The following EIF4E3 variants were observed in gnomAD, a reference collection of about 807,000 sequenced individuals.
EIF4E3 encodes the protein eukaryotic translation initiation factor 4E family member 3, also known as eukaryotic translation initiation factor 4E type 3.
EIF4E3 carries 26 observed loss-of-function variants against 31.7 expected under a neutral mutation model. The observed-to-expected ratio is 0.82, with a 90% confidence interval of 0.60 to 1.14. EIF4E3 has a LOEUF of 1.14. Among genes scored for constraint, EIF4E3 ranks in the 50% most tolerant of loss-of-function variants. The probability of loss-of-function intolerance (pLI) is 0.00; values close to 1 mark genes in which losing one functional copy is unlikely to be tolerated. For synonymous variants in EIF4E3, 128 were observed against 107.7 expected, an observed-to-expected ratio of 1.19 and a Z score of -1.17; for missense variants, 304 against 270.9, an observed-to-expected ratio of 1.12 and a Z score of -0.86.
chr3:71,731,658 G>T (rs1432865174), intron 1 of EIF4E3, among the ~76,000 whole-genome samples: 1 of 152,222 alleles, frequency 6.6e-6, no homozygotes, highest in Non-Finnish European at 1.5e-5. Flanking sequence ...GAAAGGAAGA[G>T]TCTGTGACTT....
chr3:71,754,025 G>A (rs555040525), upstream of EIF4E3: 63 of 1,147,708 alleles, frequency 5.5e-5, no homozygotes, highest in African/African-American at 8.3e-4. The surrounding 1 kb of genome is among the most constrained non-coding windows in gnomAD (Gnocchi z 5.8). Context: ...CCCCGGGGCG[G>A]AGCGCACGGC....
At chr3:71,664,690 A>G in the EIF4E3 span, among the ~76,000 whole-genome samples, 2 of 152,160 alleles carry the variant, frequency 1.3e-5, no homozygotes, top group African/African-American at 4.8e-5. Flanking sequence ...TCTGGCCAAC[A>G]TGATGAAATC....
chr3:71,715,027 C>A (rs1440019290), intron 1 of EIF4E3, among the ~76,000 whole-genome samples: 2 of 152,218 alleles, frequency 1.3e-5, no homozygotes, highest in African/African-American at 4.8e-5. Flanking sequence ...AACCCTAGTC[C>A]AAACCCTGTC....
intron 5 of EIF4E3, among the ~76,000 whole-genome samples, chr3:71,692,752 C>T (rs560622723): frequency 1.3e-5 from 2 of 152,078 alleles, no homozygotes; most frequent in South Asian, 2.1e-4. Flanking sequence ...TGTCACTATG[C>T]CCAGCTAATT....
the EIF4E3 span, among the ~76,000 whole-genome samples, chr3:71,660,482 A>G: frequency 1.3e-5 from 2 of 152,232 alleles, no homozygotes; most frequent in African/African-American, 2.4e-5. Context: ...CATCTTGCCC[A>G]CCAAACCCGG....
At chr3:71,695,669 T>C (rs1037657825) in intron 4 of EIF4E3, among the ~76,000 whole-genome samples, 2 of 152,180 alleles carry the variant, frequency 1.3e-5, no homozygotes, top group African/African-American at 4.8e-5. Context: ...GGTATGTTCT[T>C]ATAGTAAAAT....
chr3:71,725,521 G>C (rs1179849668), upstream of EIF4E3: 1 of 319,388 alleles, frequency 3.1e-6, no homozygotes, highest in African/African-American at 2.3e-5. The surrounding 1 kb of genome is among the most constrained non-coding windows in gnomAD (Gnocchi z 6.1). Context: ...GCCGCCTTCA[G>C]GGCCTGGGAG....
At chr3:71,666,588 A>G in the EIF4E3 span, among the ~76,000 whole-genome samples, 2 of 152,172 alleles carry the variant, frequency 1.3e-5, no homozygotes, top group African/African-American at 4.8e-5. Flanking sequence ...TCCCTAACTC[A>G]TTTTATGAGG....
chr3:71,689,881 T>A, intron 6 of EIF4E3, 129 bp downstream of exon 6: 2 of 928,178 alleles, frequency 2.2e-6, no homozygotes, highest in Non-Finnish European at 2.9e-6. Flanking sequence ...TAAATGTATT[T>A]TGTTGAATTA....
chr3:71,724,696 G>T (rs974301382), intron 1 of EIF4E3, among the ~76,000 whole-genome samples: 1 of 152,208 alleles, frequency 6.6e-6, no homozygotes, highest in Non-Finnish European at 1.5e-5. Context: ...GGCCGGACAC[G>T]GGGTGGGAGC....
At chr3:71,662,734 G>A in the EIF4E3 span, among the ~76,000 whole-genome samples, 1 of 152,000 alleles carries the variant, frequency 6.6e-6, no homozygotes, top group African/African-American at 2.4e-5. Context: ...GTAACTCAAA[G>A]TAACTGGATT....
chr3:71,700,172 C>A (rs2049195738), intron 2 of EIF4E3, among the ~76,000 whole-genome samples: 1 of 151,908 alleles, frequency 6.6e-6, no homozygotes, highest in African/African-American at 2.4e-5. Context: ...TGAGCCCCTG[C>A]CTCAAAAAAA....
In EIF4E3 at chr3:71,710,625, G is replaced by T. The variant is rs941743416; in HGVS notation, c.177-141C>A. The T allele has an allele frequency of 2.6e-5, 19 of 731,996 alleles. No individual in the cohort carries two copies. The African/African-American group carries it at 3.1e-4, about 12-fold the overall frequency. The allele number at this position is 731,996 out of a possible 1,614,324, so 45.3% of individuals were successfully genotyped here. A position where few individuals can be genotyped will look rare whatever the true frequency, so the allele number is the denominator to read the frequency against. On this transcript the variant is annotated intron_variant, in intron 1 of 6. Coordinates refer to ENST00000425534, the MANE Select transcript of EIF4E3 (RefSeq NM_001134651.2). ...CTGGACATTTTGGGGATGCTAGTTG[G>T]AATTTAAAATGTGAAATCCCTACTT...
chr3:71,748,401 C>A (rs1016885264), intron 1 of EIF4E3, among the ~76,000 whole-genome samples: 8 of 152,130 alleles, frequency 5.3e-5, no homozygotes, highest in African/African-American at 1.9e-4. Flanking sequence ...ACTATAATTA[C>A]ATTGTCCAGA....
At chr3:71,686,401 A>G (rs2048991874) in intron 6 of EIF4E3, among the ~76,000 whole-genome samples, 1 of 152,034 alleles carries the variant, frequency 6.6e-6, no homozygotes, top group Non-Finnish European at 1.5e-5. Flanking sequence ...CCTACTCCGC[A>G]CTTGGATGAA....
chr3:71,684,655 G>C lies in EIF4E3; in HGVS notation c.*27C>G. 1 of 1,612,946 alleles carries C rather than the reference G, an allele frequency of 6.2e-7. No homozygotes were observed. Among genetic ancestry groups the C allele is most frequent in the Non-Finnish European group, 8.5e-7 (1 of 1,179,552 alleles). On this transcript the variant is annotated 3_prime_UTR_variant, in exon 7 of 7. Coordinates refer to ENST00000425534, the MANE Select transcript of EIF4E3 (RefSeq NM_001134651.2). ...ACCGTTTCCAAAACCAATCAGCAAAGGACAAAGAATTCTTTACAGAGTGCA... is the reference window on the plus strand; with the variant it reads ...ACCGTTTCCAAAACCAATCAGCAAACGACAAAGAATTCTTTACAGAGTGCA...
the EIF4E3 span, among the ~76,000 whole-genome samples, chr3:71,668,290 C>T: frequency 6.6e-6 from 1 of 152,104 alleles, no homozygotes; most frequent in Admixed American, 6.5e-5. Context: ...AGACCTAAAA[C>T]CATAAAAACC....
At chr3:71,737,011 T>C (rs1315051388) in intron 1 of EIF4E3, among the ~76,000 whole-genome samples, 1 of 152,178 alleles carries the variant, frequency 6.6e-6, no homozygotes, top group Non-Finnish European at 1.5e-5. Context: ...ACAGCAACAA[T>C]AGCTACCATT....
upstream of EIF4E3, among the ~76,000 whole-genome samples, chr3:71,728,279 A>C (rs186063587): frequency 2.8e-4 from 43 of 152,362 alleles, no homozygotes; most frequent in African/African-American, 8.9e-4. Context: ...TGTTTGAAAT[A>C]TGTAAGAGAC....
Sources: allele counts gnomAD v4.1 joint callset (sites outside exome capture counted in the v4.1 genomes callset), GRCh38; gene constraint gnomAD v4.1.1; non-coding constraint Gnocchi (gnomAD v3.1); transcripts MANE v1.5; gene names NCBI Gene and HGNC (gene_info 2026-07-23, HGNC 2026-07-21).